SIM1: variants seen among roughly 807,000 people sequenced by gnomAD.
The protein encoded by SIM1 is single-minded homolog 1.
Under a neutral mutation model 78.2 loss-of-function variants are expected in SIM1, and 18 were observed. The ratio of observed to expected loss-of-function variants is 0.23; its 90% CI spans 0.16 to 0.34. The LOEUF (loss-of-function observed/expected upper bound fraction) is 0.34. Ranked by LOEUF, SIM1 falls within the 10% of genes least tolerant of loss-of-function variation. The pLI, the probability that SIM1 is intolerant of heterozygous loss-of-function variation, is 1.00. For synonymous variants in SIM1, 417 were observed against 385.2 expected, an observed-to-expected ratio of 1.08 and a Z score of -0.97; for missense variants, 939 against 975.1, an observed-to-expected ratio of 0.96 and a Z score of 0.49.
intron 10 of SIM1, among the ~76,000 whole-genome samples, chr6:100,408,803 T>A (rs879699548): frequency 6.6e-6 from 1 of 152,044 alleles, no homozygotes; most frequent in Non-Finnish European, 1.5e-5. Flanking sequence ...GTTGTTCAAT[T>A]TTGTTTGCTA....
chr6:100,414,410 A>G (rs1771347578), intron 10 of SIM1, among the ~76,000 whole-genome samples: 1 of 152,244 alleles, frequency 6.6e-6, no homozygotes. Context: ...ACCAAACTAC[A>G]GAGGCCTCAC....
rs534154928 is a variant in SIM1 at position 100,425,914 on chromosome 6, T to C, written c.999-4956A>G. Among the ~76,000 whole-genome samples the C allele has an allele frequency of 9.9e-5, 15 of 152,274 alleles. No homozygotes were observed. In the East Asian group the frequency reaches 2.5e-3, roughly 25 times the overall value. ...AATCAGTGTGGTAAAAAATTTGACT[T>C]CTCTGATTTTTCTAAATGAAGGACA... is the stretch of plus-strand genomic sequence containing the variant. On this transcript the variant is annotated intron_variant, in intron 9 of 11. Transcript: ENST00000369208.
At position 100,389,668 on chromosome 6, in the gene SIM1, A is replaced by C. The variant is rs1256670188; in HGVS notation, c.*693T>G. On this transcript the variant is annotated 3_prime_UTR_variant, in exon 12 of 12. Coordinates refer to ENST00000369208, the MANE Select transcript of SIM1 (RefSeq NM_005068.3). ...TTAGAAAAACCCTCAGCGCCATGTC[A>C]GTGCAATCCTGGTCCTTGTCTAACT... The C allele has an allele frequency of 2.5e-5, 10 of 398,878 alleles. No homozygotes were observed. Among genetic ancestry groups the C allele is most frequent in the Non-Finnish European group, 4.4e-5 (10 of 226,050 alleles). 24.7% of individuals were successfully genotyped at this position (398,878 alleles called of 1,614,324 possible). A position where few individuals can be genotyped will look rare whatever the true frequency, so the allele number is the denominator to read the frequency against.
At chr6:100,460,839 G>T (rs898590852) in intron 2 of SIM1, among the ~76,000 whole-genome samples, 2 of 152,160 alleles carry the variant, frequency 1.3e-5, no homozygotes, top group African/African-American at 2.4e-5. Context: ...ATTTTAAAGA[G>T]CTGTGTTTGA....
At chr6:100,458,731 T>C (rs539645204) in intron 2 of SIM1, among the ~76,000 whole-genome samples, 1 of 151,904 alleles carries the variant, frequency 6.6e-6, no homozygotes, top group East Asian at 2.0e-4. Context: ...GACCTCGACA[T>C]GATTGTCCCC....
chr6:100,458,865 C>A (rs1322860609), intron 2 of SIM1, among the ~76,000 whole-genome samples: 1 of 152,244 alleles, frequency 6.6e-6, no homozygotes, highest in Admixed American at 6.5e-5. Context: ...AGTAGCAGGA[C>A]CATTCCTAAA....
At chr6:100,409,708 A>G (rs1211420647) in intron 10 of SIM1, among the ~76,000 whole-genome samples, 1 of 152,118 alleles carries the variant, frequency 6.6e-6, no homozygotes, top group Non-Finnish European at 1.5e-5. Flanking sequence ...GCTGCAACCC[A>G]GACATTTTTA....
At position 100,451,983 on chromosome 6, in the gene SIM1, G is replaced by A. The variant is rs80004722; in HGVS notation, c.259-1627C>T. Among the ~76,000 whole-genome samples, 660 of 152,332 alleles carry A rather than the reference G, an allele frequency of 4.3e-3. 4 individuals are homozygous for A. Among genetic ancestry groups the A allele is most frequent in the African/African-American group, 0.015 (632 of 41,572 alleles). The stretch of plus-strand genomic sequence containing the variant: ...TGTAGAGAAAGGAGTTGAGAGGCTG[G>A]TGTTGGGTGAGATTACCTGGGTGGC... On this transcript the variant is annotated intron_variant, in intron 3 of 11. Coordinates refer to ENST00000369208, the MANE Select transcript of SIM1 (RefSeq NM_005068.3).
chr6:100,425,364 T>C (rs1219696198), intron 9 of SIM1, among the ~76,000 whole-genome samples: 1 of 152,210 alleles, frequency 6.6e-6, no homozygotes, highest in African/African-American at 2.4e-5. Flanking sequence ...CTAAAATCTA[T>C]TGCAGTATGG....
At chr6:100,443,883 T>A (rs1384629713) in intron 9 of SIM1, among the ~76,000 whole-genome samples, 1 of 152,146 alleles carries the variant, frequency 6.6e-6, no homozygotes, top group Non-Finnish European at 1.5e-5. Context: ...AGTTGTTGGA[T>A]GTAGATGATG....
rs1249939542 is a variant in SIM1, at chr6:100,412,618, A to G, written c.1167+8172T>C. On this transcript the variant is annotated intron_variant, in intron 10 of 11. Transcript: ENST00000369208. ...AAGAAAGAAAGAAAGAAAGGAAAGA[A>G]AGAAGGAAAGAAAGAAAGAAAAGAA... 1.3e-3 allele frequency among the ~76,000 whole-genome samples: 149 copies of G among 113,420 alleles called. 7 individuals carry two copies. Among genetic ancestry groups the G allele is most frequent in the African/African-American group, 4.6e-3 (140 of 30,568 alleles). The allele number at this position is 113,420 out of a possible 152,430, so 74.4% of individuals were successfully genotyped here.
At chr6:100,432,529 C>T (rs997419170) in intron 9 of SIM1, among the ~76,000 whole-genome samples, 2 of 152,090 alleles carry the variant, frequency 1.3e-5, no homozygotes, top group East Asian at 3.9e-4. Flanking sequence ...AAAATTCAAG[C>T]TTCACACTTT....
intron 10 of SIM1, among the ~76,000 whole-genome samples, chr6:100,415,012 A>G (rs943194060): frequency 1.3e-5 from 2 of 152,268 alleles, no homozygotes; most frequent in Non-Finnish European, 2.9e-5. Context: ...TCAGAAGCAT[A>G]CAGTCTTCTG....
intron 10 of SIM1, among the ~76,000 whole-genome samples, chr6:100,405,539 T>C (rs1008854814): frequency 1.3e-5 from 2 of 152,272 alleles, no homozygotes; most frequent in Admixed American, 1.3e-4. Context: ...TATAGTTTAA[T>C]CTATTATTTA....
chr6:100,443,964 A>T (rs987588000), intron 9 of SIM1, among the ~76,000 whole-genome samples: 1 of 152,106 alleles, frequency 6.6e-6, no homozygotes, highest in African/African-American at 2.4e-5. Context: ...AAATATTTTT[A>T]AATAGGAATT....
At chr6:100,433,740 C>CACACA (rs1771966983) in intron 9 of SIM1, among the ~76,000 whole-genome samples, 10 of 124,286 alleles carry the variant, frequency 8.0e-5, no homozygotes, top group East Asian at 2.5e-4. Flanking sequence ...ACCCCCCCAC[C>CACACA]CACACACACA....
intron 2 of SIM1, among the ~76,000 whole-genome samples, chr6:100,458,342 C>G (rs1229400070): frequency 1.3e-5 from 2 of 152,210 alleles, no homozygotes; most frequent in East Asian, 3.9e-4. Context: ...CCTAGAGGCC[C>G]GCGCTGGCGA....
Position 100,390,773 on chromosome 6 carries a change from C to T in SIM1, c.1889G>A (p.Cys630Tyr). The T allele has an allele frequency of 1.2e-6, 2 of 1,614,092 alleles. No homozygotes were observed. Among genetic ancestry groups the T allele is most frequent in the Non-Finnish European group, 1.7e-6 (2 of 1,180,018 alleles). Residue 630 changes from cysteine to tyrosine, a missense_variant, in exon 12 of 12, where the codon TGT (cysteine) becomes TAT (tyrosine). Transcript: ENST00000369208. ...TCCCTCTCTCTGCTGGATATGGTCACATGGTGAAGTGTTGGCAAGAGCAGA... is the reference window on the plus strand; with the variant it reads ...TCCCTCTCTCTGCTGGATATGGTCATATGGTGAAGTGTTGGCAAGAGCAGA... ...HGSALANTSP[C>Y]DHIQQREGKM... is the part of the protein sequence containing the mutation.
chr6:100,412,726 AG>A (rs1196441419), intron 10 of SIM1, among the ~76,000 whole-genome samples: 19 of 140,796 alleles, frequency 1.3e-4, no homozygotes, highest in Admixed American at 6.4e-4. Flanking sequence ...AAAGAAAGAA[AG>A]AAAGAAAGAA....
Sources: gnomAD v4.1 joint callset for allele counts (sites outside exome capture counted in the v4.1 genomes callset) on GRCh38, gnomAD v4.1.1 for gene constraint, MANE v1.5 for transcripts, NCBI Gene and HGNC (gene_info 2026-07-23, HGNC 2026-07-21) for gene names.